NPAS3: variants seen among roughly 807,000 people sequenced by gnomAD.
The protein encoded by NPAS3 is neuronal PAS domain-containing protein 3.
In NPAS3, 14 loss-of-function variants were observed where a neutral mutation model predicts 73.1. That is an observed-to-expected ratio of 0.19 (90% CI 0.13 to 0.30). The LOEUF (loss-of-function observed/expected upper bound fraction) is 0.30, where lower values mean the gene tolerates loss of function less well. NPAS3 is among the 10% of genes least tolerant of loss of function. The pLI is 1.00. For missense variants in NPAS3, 1,096 were observed against 1,250.0 expected (o/e 0.88, Z 1.86); for synonymous variants, 620 against 541.5 (o/e 1.14, Z -2.01).
At chr14:33,324,829 T>C (rs886733863) in intron 3 of NPAS3, among the ~76,000 whole-genome samples, 1 of 152,154 alleles carries the variant, frequency 6.6e-6, no homozygotes, top group Non-Finnish European at 1.5e-5. Flanking sequence ...AGAGTAATGA[T>C]TGAGAATAAT....
intron 4 of NPAS3, among the ~76,000 whole-genome samples, chr14:33,474,051 G>A (rs1167999350): frequency 1.3e-5 from 2 of 152,268 alleles, no homozygotes; most frequent in East Asian, 3.9e-4. Flanking sequence ...TGAGGTGGCA[G>A]AGTCTAGATC....
At chr14:33,797,420 G>T in intron 10 of NPAS3, 37 bp from the exon 11 acceptor site, 2 of 1,606,974 alleles carry the variant, frequency 1.2e-6, no homozygotes, top group Non-Finnish European at 1.7e-6. Context: ...ATGCAGAATG[G>T]GTGTCTGCAC....
At chr14:32,959,023 A>G (rs1270233952) in intron 1 of NPAS3, among the ~76,000 whole-genome samples, 3 of 152,238 alleles carry the variant, frequency 2.0e-5, no homozygotes, top group African/African-American at 7.2e-5. Flanking sequence ...TGATGAGCTA[A>G]TAAACATGGC....
intron 3 of NPAS3, among the ~76,000 whole-genome samples, chr14:33,316,309 T>C (rs926561635): frequency 1.3e-5 from 2 of 152,062 alleles, no homozygotes; most frequent in African/African-American, 2.4e-5. Context: ...AATTCTCTGC[T>C]GAAATAGATA....
chr14:33,057,319 A>C (rs536475123), intron 2 of NPAS3, among the ~76,000 whole-genome samples: 1 of 152,198 alleles, frequency 6.6e-6, no homozygotes, highest in Non-Finnish European at 1.5e-5. Flanking sequence ...ATTTTAAAAA[A>C]TTCTTTGTTA....
At chr14:33,090,068 T>G (rs1033300797) in intron 2 of NPAS3, among the ~76,000 whole-genome samples, 4 of 152,160 alleles carry the variant, frequency 2.6e-5, no homozygotes, top group Non-Finnish European at 5.9e-5. Flanking sequence ...AGACCATCGA[T>G]GCTAGGAAGA....
intron 5 of NPAS3, among the ~76,000 whole-genome samples, chr14:33,652,316 T>C (rs1182507148): frequency 1.3e-5 from 2 of 152,184 alleles, no homozygotes; most frequent in African/African-American, 4.8e-5. Flanking sequence ...AAACAGCACC[T>C]TTTCACCTTT....
chr14:33,547,452 C>T (rs529138388), intron 4 of NPAS3, among the ~76,000 whole-genome samples: 1 of 152,168 alleles, frequency 6.6e-6, no homozygotes, highest in East Asian at 1.9e-4. Flanking sequence ...TCATTATACA[C>T]CCCCTGAGTC....
chr14:33,442,988 T>G (rs2049321680), intron 4 of NPAS3, among the ~76,000 whole-genome samples: 1 of 152,214 alleles, frequency 6.6e-6, no homozygotes, highest in African/African-American at 2.4e-5. Context: ...ATACATTTTA[T>G]CTGTATGAAA....
intron 2 of NPAS3, among the ~76,000 whole-genome samples, chr14:33,082,813 C>G (rs2041901343): frequency 6.6e-6 from 1 of 152,022 alleles, no homozygotes; most frequent in Non-Finnish European, 1.5e-5. Flanking sequence ...GTTTTAATGC[C>G]CGGTTGTATT....
chr14:33,397,438 A>G (rs1362188961), intron 4 of NPAS3, among the ~76,000 whole-genome samples: 1 of 152,048 alleles, frequency 6.6e-6, no homozygotes, highest in East Asian at 1.9e-4. Context: ...CCAAGCCACA[A>G]AGCTGGAGTT....
At chr14:33,442,025 A>G (rs1179432307) in intron 4 of NPAS3, among the ~76,000 whole-genome samples, 1 of 152,026 alleles carries the variant, frequency 6.6e-6, no homozygotes, top group Non-Finnish European at 1.5e-5. Context: ...CTCTTCTACA[A>G]TTTCTCCCTT....
chr14:33,379,977 C>T (rs368297623), intron 4 of NPAS3, among the ~76,000 whole-genome samples: 21 of 144,338 alleles, frequency 1.5e-4, no homozygotes, highest in Admixed American at 4.2e-4. Flanking sequence ...AGTTATCCCT[C>T]GTGTGTGTGT....
chr14:33,213,403 G>C (rs147179669), intron 2 of NPAS3, among the ~76,000 whole-genome samples: 7 of 152,326 alleles, frequency 4.6e-5, no homozygotes, highest in Non-Finnish European at 1.0e-4. Flanking sequence ...TAACTTAAAT[G>C]TTGTTAGATA....
At chr14:33,693,676 C>T (rs2060295898) in intron 6 of NPAS3, among the ~76,000 whole-genome samples, 1 of 152,104 alleles carries the variant, frequency 6.6e-6, no homozygotes, top group Non-Finnish European at 1.5e-5. Context: ...GAAAAAAAGC[C>T]TGAGTTTGTC....
chr14:33,772,880 C>T (rs888809112), intron 7 of NPAS3, among the ~76,000 whole-genome samples: 7 of 151,988 alleles, frequency 4.6e-5, no homozygotes, highest in African/African-American at 7.3e-5. Context: ...TGTGGGTGGT[C>T]GAAAAGCTGC....
Position 33,600,074 on chromosome 14 carries a change from CCTT to C in NPAS3, c.558+39867_558+39869del, listed in dbSNP as rs1381884232. Among the ~76,000 whole-genome samples the C allele has an allele frequency of 2.6e-5, 4 of 152,264 alleles. No homozygotes were observed. The Middle Eastern group carries it at 0.01, about 388-fold the overall frequency. On this transcript the variant is annotated intron_variant, in intron 5 of 11. Transcript: ENST00000356141. ...AGTTCCTCCAAAAACTGTAATAACTCCTTCTGGATTTTGCACAGAACAAATCTA... is the reference window on the plus strand; with the variant it reads ...AGTTCCTCCAAAAACTGTAATAACTCCTGGATTTTGCACAGAACAAATCTA...
At chr14:32,952,772 G>A (rs982702413) in intron 1 of NPAS3, among the ~76,000 whole-genome samples, 5 of 152,018 alleles carry the variant, frequency 3.3e-5, no homozygotes, top group Non-Finnish European at 5.9e-5. Flanking sequence ...TGAGTGATAC[G>A]TAGTGTCAAC....
chr14:33,540,715 T>C (rs901758333), intron 4 of NPAS3, among the ~76,000 whole-genome samples: 1 of 152,046 alleles, frequency 6.6e-6, no homozygotes, highest in Non-Finnish European at 1.5e-5. Context: ...AAGGTCTCTG[T>C]AAACACTGAG....
Sources: allele counts gnomAD v4.1 joint callset (sites outside exome capture counted in the v4.1 genomes callset), GRCh38; gene constraint gnomAD v4.1.1; transcripts MANE v1.5; gene names NCBI Gene and HGNC (gene_info 2026-07-23, HGNC 2026-07-21).